The following GDE1 variants were observed in gnomAD, a reference collection of about 807,000 sequenced individuals.
The protein encoded by GDE1 is glycerophosphodiester phosphodiesterase 1.
A neutral mutation model predicts 32.2 loss-of-function variants in GDE1; 24 were observed. The observed-to-expected ratio is 0.75, with a 90% CI of 0.54 to 1.05. The LOEUF is 1.05. Among genes scored for constraint, GDE1 ranks in the 50% least tolerant of loss-of-function variants. The pLI is 0.00. For synonymous variants in GDE1, 159 were observed against 158.6 expected, an observed-to-expected ratio of 1.00 and a Z score of -0.02; for missense variants, 380 against 415.0, an observed-to-expected ratio of 0.92 and a Z score of 0.73.
rs1368436146 is a variant in GDE1 at position 19,517,018 on chromosome 16, G to T, written c.433C>A (p.Leu145Ile). 2 of 1,613,544 alleles carry T rather than the reference G, an allele frequency of 1.2e-6. No homozygotes were observed. Among genetic ancestry groups the T allele is most frequent in the Admixed American group, 1.7e-5 (1 of 60,000 alleles). Reference sequence around the variant, plus strand: ...AAGTGACAATAAACTACTTACCTGAGTCTGTGGTTTGCTGCAGGATTCAGC... The same window carrying T: ...AAGTGACAATAAACTACTTACCTGATTCTGTGGTTTGCTGCAGGATTCAGC... ...RKLNPAANHR[L>I]RNDFPDEKIP... Residue 145 changes from leucine (L) to isoleucine (I), a missense_variant, in exon 2 of 6, where the codon CTC (leucine) becomes ATC (isoleucine). Coordinates refer to ENST00000353258, the MANE Select transcript of GDE1 (RefSeq NM_016641.4).
intron 3 of GDE1, among the ~76,000 whole-genome samples, chr16:19,508,500 T>C (rs1969276232): frequency 6.6e-6 from 1 of 152,214 alleles, no homozygotes; most frequent in Admixed American, 6.5e-5. Flanking sequence ...CTGCTAATTT[T>C]TGGAATGTTA....
At chr16:19,504,049 T>C (rs577630204) in intron 5 of GDE1, 1 of 155,998 alleles carries the variant, frequency 6.4e-6, no homozygotes, top group African/African-American at 2.4e-5. Flanking sequence ...TTTTTCTCTC[T>C]GATCTGGATT....
chr16:19,511,069 A>C, intron 2 of GDE1, 125 bp from the exon 3 acceptor site: 3 of 537,838 alleles, frequency 5.6e-6, no homozygotes, highest in Non-Finnish European at 6.6e-6. Context: ...CCTTTTTTCG[A>C]CCATAGCAAA....
chr16:19,503,640 C>T, intron 5 of GDE1, 23 bp from the exon 6 acceptor site: 1 of 1,606,118 alleles, frequency 6.2e-7, no homozygotes, highest in Non-Finnish European at 8.5e-7. Context: ...GAAAGCCAAT[C>T]CTGTTAGAAT....
intron 3 of GDE1, 92 bp from the exon 4 acceptor site, chr16:19,507,871 T>C (rs534599673): frequency 8.6e-5 from 55 of 637,792 alleles, no homozygotes; most frequent in African/African-American, 4.8e-4. Flanking sequence ...TACAACCCTA[T>C]GGAATAAAAC....
At chr16:19,519,043 G>A (rs1228915312) in intron 1 of GDE1, among the ~76,000 whole-genome samples, 1 of 152,148 alleles carries the variant, frequency 6.6e-6, no homozygotes, top group Non-Finnish European at 1.5e-5. Flanking sequence ...CAGATCATAG[G>A]TTGAGGGCTT....
In GDE1 at chr16:19,521,888, C is replaced by T. The variant is rs754285597; in HGVS notation, c.77G>A (p.Arg26Gln). The T allele has an allele frequency of 1.9e-5, 31 of 1,601,982 alleles. 1 individual carries two copies. Among genetic ancestry groups the T allele is most frequent in the Non-Finnish European group, 2.6e-6 (3 of 1,175,412 alleles). Residue 26 changes from arginine to glutamine, a missense_variant, in exon 1 of 6, where the codon CGG becomes CAG. By Grantham distance (43) the Arg-to-Gln change is conservative. Coordinates refer to ENST00000353258, the MANE Select transcript of GDE1 (RefSeq NM_016641.4). ...FLLLVLLLVT[R>Q]SPVNACLLTG... Reference sequence around the variant, plus strand: ...GAGGAGGCAGGCATTGACCGGGCTCCGCGTCACCAGCAGCAGCACTAGCAG... The same window carrying T: ...GAGGAGGCAGGCATTGACCGGGCTCTGCGTCACCAGCAGCAGCACTAGCAG...
chr16:19,521,383 G>A (rs1969451272), intron 1 of GDE1: 2 of 330,790 alleles, frequency 6.0e-6, no homozygotes, highest in Non-Finnish European at 1.1e-5. Context: ...TCTCATTTAT[G>A]TGTTTACTTG....
intron 1 of GDE1, 54 bp from the exon 2 acceptor site, chr16:19,517,243 C>A: frequency 7.1e-7 from 1 of 1,411,900 alleles, no homozygotes; most frequent in South Asian, 1.2e-5. Flanking sequence ...CATTATTTTG[C>A]ATCTAACCAC....
At chr16:19,510,242 T>A (rs115223709) in intron 3 of GDE1, among the ~76,000 whole-genome samples, 180 of 152,300 alleles carry the variant, frequency 1.2e-3, no homozygotes, top group African/African-American at 3.5e-3. Flanking sequence ...TATCTAGGAA[T>A]GTCAAATACA....
intron 1 of GDE1, among the ~76,000 whole-genome samples, chr16:19,517,586 T>C (rs1225618391): frequency 6.6e-6 from 1 of 152,208 alleles, no homozygotes; most frequent in Non-Finnish European, 1.5e-5. Flanking sequence ...TGTTGATTAG[T>C]CAGATATTTC....
intron 2 of GDE1, among the ~76,000 whole-genome samples, chr16:19,512,419 T>C (rs1969328963): frequency 6.6e-6 from 1 of 152,210 alleles, no homozygotes; most frequent in Non-Finnish European, 1.5e-5. Flanking sequence ...AATGGGATTA[T>C]TATTGTTTTT....
At chr16:19,514,766 T>A (rs1418005838) in intron 2 of GDE1, among the ~76,000 whole-genome samples, 1 of 152,106 alleles carries the variant, frequency 6.6e-6, no homozygotes, top group African/African-American at 2.4e-5. Flanking sequence ...ATCATGCTTT[T>A]AAAAAAGGGT....
At chr16:19,503,667 A>C in intron 5 of GDE1, 50 bp from the exon 6 acceptor site, 10 of 1,516,646 alleles carry the variant, frequency 6.6e-6, no homozygotes, top group South Asian at 1.2e-5. Context: ...CAGCTGTCTC[A>C]GGAATCCATA....
chr16:19,519,916 GC>G (rs1200009856), intron 1 of GDE1, among the ~76,000 whole-genome samples: 17 of 152,266 alleles, frequency 1.1e-4, no homozygotes, highest in African/African-American at 3.6e-4. Context: ...GGAGCCTGAG[GC>G]ACAAGAATCG....
intron 1 of GDE1, 67 bp downstream of exon 1, chr16:19,521,637 C>G (rs1969454786): frequency 1.3e-6 from 2 of 1,551,376 alleles, no homozygotes; most frequent in African/African-American, 1.4e-5. Context: ...ATCGGGGAAC[C>G]CTGGGAAGGA....
chr16:19,504,693 C>T (rs72785337), intron 5 of GDE1, 188 bp downstream of exon 5: 16,995 of 548,554 alleles, frequency 0.031, 354 homozygotes, highest in Non-Finnish European at 0.041. Context: ...GTGATCGACT[C>T]GGTCTGAAAA....
chr16:19,504,506 C>A, intron 5 of GDE1: 1 of 179,384 alleles, frequency 5.6e-6, no homozygotes, highest in Non-Finnish European at 1.2e-5. Context: ...GGGGGAGTGC[C>A]TATAACATAA....
In GDE1 at chr16:19,503,468, G is replaced by A; in HGVS notation, c.*2C>T. 6.2e-7 allele frequency: 1 copy of A among 1,613,656 alleles called. No homozygotes were observed. Among genetic ancestry groups the A allele is most frequent in the Non-Finnish European group, 8.5e-7 (1 of 1,179,662 alleles). On this transcript the variant is annotated 3_prime_UTR_variant, in exon 6 of 6. Transcript: ENST00000353258. ...GAACCCGTTTCGTCCCACCGTGAAA[G>A]TCTAGAAGTGAGGTTCGCAGTCTTC...
Sources: allele counts gnomAD v4.1 joint callset (sites outside exome capture counted in the v4.1 genomes callset), GRCh38; gene constraint gnomAD v4.1.1; transcripts MANE v1.5; gene names NCBI Gene and HGNC (gene_info 2026-07-23, HGNC 2026-07-21).